The following B4GALNT3 variants were observed in gnomAD, a reference collection of about 807,000 sequenced individuals.
B4GALNT3 encodes the protein beta-1,4-N-acetyl-galactosaminyltransferase 3.
Under a neutral mutation model 120.2 loss-of-function variants are expected in B4GALNT3, and 86 were observed. The ratio of observed to expected loss-of-function variants is 0.72; its 90% CI spans 0.60 to 0.86. B4GALNT3 has a LOEUF of 0.86. Ranked by LOEUF, B4GALNT3 falls within the 40% of genes least tolerant of loss-of-function variation. B4GALNT3 has a pLI of 0.00. For missense variants in B4GALNT3, 1,167 were observed against 1,298.9 expected (o/e 0.90, Z 1.56); for synonymous variants, 518 against 510.4 (o/e 1.01, Z -0.20).
chr12:556,645 A>G lies in B4GALNT3; in HGVS notation c.2159A>G (p.Gln720Arg), dbSNP rs1419252301. ...GAGCTTGAACTGTTGGAACAAGGCC[A>G]GCGCGTGGTGCGGCTCTCGGAGTAT... Reference protein sequence around the residue: ...LLELELLEQGQRVVRLSEYVS... With the variant: ...LLELELLEQGRRVVRLSEYVS... The change falls in exon 15 of 20, where the codon CAG becomes CGG. Residue 720 changes from glutamine (Q) to arginine (R), a missense_variant. This residue lies in a region of B4GALNT3 where 983 missense variants were observed against 1,102.5 expected (regional missense o/e 0.89). Transcript: ENST00000266383. The G allele has an allele frequency of 9.3e-6, 15 of 1,613,950 alleles. No individual in the cohort carries two copies. Among genetic ancestry groups the G allele is most frequent in the Non-Finnish European group, 1.2e-5 (14 of 1,180,050 alleles).
At chr12:526,466 A>C (rs955544260) in intron 1 of B4GALNT3, among the ~76,000 whole-genome samples, 1 of 152,160 alleles carries the variant, frequency 6.6e-6, no homozygotes, top group Admixed American at 6.5e-5. Flanking sequence ...GACCTGAGGG[A>C]TCCTGGAAGC....
chr12:556,060 G>T (rs957075574), intron 14 of B4GALNT3, among the ~76,000 whole-genome samples: 6 of 152,166 alleles, frequency 3.9e-5, no homozygotes, highest in African/African-American at 1.4e-4. Context: ...TGGGATTACA[G>T]GTGTGAGCCA....
chr12:513,876 A>G (rs1946623552), intron 1 of B4GALNT3, among the ~76,000 whole-genome samples: 1 of 152,218 alleles, frequency 6.6e-6, no homozygotes, highest in African/African-American at 2.4e-5. Flanking sequence ...GGCGTGAGCC[A>G]CTGTGCCCAG....
At chr12:510,216 T>G (rs1395591243) in intron 1 of B4GALNT3, among the ~76,000 whole-genome samples, 1 of 152,178 alleles carries the variant, frequency 6.6e-6, no homozygotes, top group African/African-American at 2.4e-5. Context: ...GAAATGGCGC[T>G]GGTGCTGCTG....
In B4GALNT3 at chr12:561,987, G is replaced by T. The variant is rs766805265; in HGVS notation, c.*536G>T. ...TGTCCCTTGGGCGTTGTCCCTGGCC[G>T]CGGGACTGGTCCCACGTGGGGCAGG... is the stretch of plus-strand genomic sequence containing the variant. On this transcript the variant is annotated 3_prime_UTR_variant, in exon 20 of 20. Coordinates refer to ENST00000266383, the MANE Select transcript of B4GALNT3 (RefSeq NM_173593.4). 2.6e-5 allele frequency: 4 copies of T among 152,454 alleles called. No individual in the cohort carries two copies. Among genetic ancestry groups the T allele is most frequent in the Non-Finnish European group, 4.4e-5 (3 of 68,144 alleles). 9.4% of individuals were successfully genotyped at this position (152,454 alleles called of 1,614,324 possible). A position where few individuals can be genotyped will look rare whatever the true frequency, so the allele number is the denominator to read the frequency against.
chr12:506,282 A>G (rs1365540997), intron 1 of B4GALNT3, among the ~76,000 whole-genome samples: 2 of 152,174 alleles, frequency 1.3e-5, no homozygotes, highest in Non-Finnish European at 2.9e-5. Context: ...ATAACTAAGA[A>G]AACCAAGGAT....
intron 1 of B4GALNT3, among the ~76,000 whole-genome samples, chr12:470,794 A>G (rs925676857): frequency 6.6e-6 from 1 of 152,128 alleles, no homozygotes. Flanking sequence ...GCTGAAGTGC[A>G]GTGGCACGAT....
chr12:533,109 C>T (rs1946823646), intron 1 of B4GALNT3, among the ~76,000 whole-genome samples: 1 of 152,256 alleles, frequency 6.6e-6, no homozygotes, highest in Non-Finnish European at 1.5e-5. Flanking sequence ...CAGTGTAACT[C>T]ATGTGTCACC....
At chr12:547,156 G>A (rs371722959) in intron 7 of B4GALNT3, among the ~76,000 whole-genome samples, 1 of 55,654 alleles carries the variant, frequency 1.8e-5, no homozygotes, top group East Asian at 5.8e-4. Context: ...CGGGAAGAGC[G>A]GGCGTTGCTG....
chr12:524,649 AAAAAAG>A (rs886483262), intron 1 of B4GALNT3, among the ~76,000 whole-genome samples: 65 of 147,032 alleles, frequency 4.4e-4, no homozygotes, highest in Admixed American at 1.1e-3. Flanking sequence ...TAAAAAAAAA[AAAAAAG>A]AAAAAAGAAA....
rs148939106 is a variant in B4GALNT3 at position 539,989 on chromosome 12, C to T, written c.351+3694C>T. Among the ~76,000 whole-genome samples, 801 of 152,308 alleles carry T rather than the reference C, an allele frequency of 5.3e-3. 8 individuals are homozygous for T. The highest frequency in any genetic ancestry group is 0.034 in the Middle Eastern group (10 of 294). ...ATAGGAGTTCCTGGTGTGTAGGAAC[C>T]GGTGACCTGATCACCCTGCTGTGTT... On this transcript the variant is annotated intron_variant, in intron 3 of 19. Transcript: ENST00000266383.
intron 1 of B4GALNT3, among the ~76,000 whole-genome samples, chr12:482,984 T>G (rs930407624): frequency 6.6e-6 from 1 of 152,190 alleles, no homozygotes; most frequent in Admixed American, 6.5e-5. Flanking sequence ...CATGGCTCAC[T>G]GCAGCCTTAA....
At chr12:554,084 G>A (rs1226588735) in intron 14 of B4GALNT3, 101 bp downstream of exon 14, 14 of 779,380 alleles carry the variant, frequency 1.8e-5, no homozygotes, top group Middle Eastern at 3.7e-4. Context: ...TCCCCCAGCC[G>A]CGGAAATAGC....
chr12:544,350 T>A lies in B4GALNT3; in HGVS notation c.363T>A (p.Arg121=). The A allele has an allele frequency of 6.2e-7, 1 of 1,613,594 alleles. No homozygotes were observed. The highest frequency in any genetic ancestry group is 1.1e-5 in the South Asian group (1 of 91,090). ...TCTCCGCCCTGCAGTTCCGGGGCCG[T>A]GCCAACCTGCATGTGTTTGAAGACT... ...PVPWLSEFRG[R]ANLHVFEDWC... The change falls in exon 4 of 20, where the codon CGT becomes CGA. Residue 121 remains arginine, a synonymous_variant. Transcript: ENST00000266383.
chr12:540,658 G>T (rs1172171138), intron 3 of B4GALNT3: 1 of 152,378 alleles, frequency 6.6e-6, no homozygotes, highest in African/African-American at 2.4e-5. Context: ...AGGTGAGGCT[G>T]GAAAAGGTAG....
chr12:523,885 C>A (rs1398187741), intron 1 of B4GALNT3, among the ~76,000 whole-genome samples: 2 of 152,086 alleles, frequency 1.3e-5, no homozygotes, highest in African/African-American at 4.8e-5. Flanking sequence ...AATAGTGAAA[C>A]CCCGTCTCTA....
intron 1 of B4GALNT3, among the ~76,000 whole-genome samples, chr12:510,656 A>G (rs1946538794): frequency 6.6e-6 from 1 of 152,056 alleles, no homozygotes; most frequent in African/African-American, 2.4e-5. Context: ...GGCGGGGCAA[A>G]CCCTGCAGAG....
intron 1 of B4GALNT3, among the ~76,000 whole-genome samples, chr12:513,869 G>A (rs781128864): frequency 1.2e-4 from 18 of 152,178 alleles, no homozygotes; most frequent in Middle Eastern, 3.2e-3. Flanking sequence ...GATTACAGGC[G>A]TGAGCCACTG....
At chr12:500,356 T>C (rs2120535513) in intron 1 of B4GALNT3, among the ~76,000 whole-genome samples, 2 of 152,302 alleles carry the variant, frequency 1.3e-5, no homozygotes, top group Non-Finnish European at 2.9e-5. Context: ...TGGATAAAGG[T>C]TCTGAAAGCA....
Sources: gnomAD v4.1 joint callset for allele counts (sites outside exome capture counted in the v4.1 genomes callset) on GRCh38, gnomAD v4.1.1 for gene constraint, gnomAD v4.1.1 regional missense constraint, MANE v1.5 for transcripts, NCBI Gene and HGNC (gene_info 2026-07-23, HGNC 2026-07-21) for gene names.